The following TNR variants were observed in gnomAD, a reference collection of about 807,000 sequenced individuals.
TNR encodes tenascin-R.
A neutral mutation model predicts 150.4 loss-of-function variants in TNR; 45 were observed. The ratio of observed to expected loss-of-function variants is 0.30; its 90% CI spans 0.24 to 0.38. TNR has a LOEUF of 0.38. Among genes scored for constraint, TNR ranks in the 10% least tolerant of loss-of-function variants. The probability of loss-of-function intolerance (pLI) is 1.00; values close to 1 mark genes in which losing one functional copy is unlikely to be tolerated. For synonymous variants in TNR, 687 were observed against 678.4 expected (o/e 1.01, Z -0.20); for missense variants, 1,544 against 1,759.1 (o/e 0.88, Z 2.19).
intron 2 of TNR, among the ~76,000 whole-genome samples, chr1:175,441,173 A>G (rs1212269744): frequency 1.3e-5 from 2 of 152,190 alleles, no homozygotes; most frequent in African/African-American, 4.8e-5. Flanking sequence ...TGGCATTAAC[A>G]CAGGTTGGTA....
At chr1:175,630,865 C>A (rs942989389) in intron 1 of TNR, among the ~76,000 whole-genome samples, 12 of 152,266 alleles carry the variant, frequency 7.9e-5, no homozygotes, top group African/African-American at 2.6e-4. Context: ...GAATTCGCAC[C>A]AAACAAGGGG....
chr1:175,484,041 T>C (rs1475846569), intron 2 of TNR, among the ~76,000 whole-genome samples: 1 of 152,222 alleles, frequency 6.6e-6, no homozygotes, highest in East Asian at 1.9e-4. Context: ...AGAACGTTGT[T>C]TGCCTTATTC....
At chr1:175,624,631 TG>T (rs1664086923) in intron 1 of TNR, among the ~76,000 whole-genome samples, 1 of 152,152 alleles carries the variant, frequency 6.6e-6, no homozygotes, top group South Asian at 2.1e-4. Flanking sequence ...AAAGAAATCT[TG>T]GCCCTGCTGA....
At chr1:175,614,237 G>C (rs1048669727) in intron 1 of TNR, among the ~76,000 whole-genome samples, 2 of 152,180 alleles carry the variant, frequency 1.3e-5, no homozygotes, top group African/African-American at 4.8e-5. Context: ...GAGAGGTGTG[G>C]GGAAAAGATT....
chr1:175,383,810 C>A (rs1356758296), intron 8 of TNR, among the ~76,000 whole-genome samples: 1 of 152,202 alleles, frequency 6.6e-6, no homozygotes, highest in Non-Finnish European at 1.5e-5. Flanking sequence ...GAGAATCTGT[C>A]TGCAGTGCTG....
intron 3 of TNR, among the ~76,000 whole-genome samples, chr1:175,404,956 G>C (rs1468179675): frequency 6.6e-6 from 1 of 152,234 alleles, no homozygotes; most frequent in Non-Finnish European, 1.5e-5. Context: ...CTCAGTGACT[G>C]CCTCTAGACT....
intron 18 of TNR, among the ~76,000 whole-genome samples, chr1:175,341,288 G>A (rs1201304264): frequency 1.3e-5 from 2 of 152,146 alleles, no homozygotes; most frequent in African/African-American, 2.4e-5. Flanking sequence ...AAAACTGGAA[G>A]GTTTTTCTTC....
chr1:175,615,341 C>T (rs1663736027), intron 1 of TNR, among the ~76,000 whole-genome samples: 1 of 152,200 alleles, frequency 6.6e-6, no homozygotes, highest in African/African-American at 2.4e-5. Context: ...GGACTTCAGT[C>T]TGGGCAGGTG....
chr1:175,721,423 A>G (rs1667295463), intron 1 of TNR, among the ~76,000 whole-genome samples: 1 of 152,104 alleles, frequency 6.6e-6, no homozygotes, highest in South Asian at 2.1e-4. Flanking sequence ...GAGTTGTGCT[A>G]TGCTCTTAGT....
At chr1:175,369,336 G>A (rs920747426) in intron 9 of TNR, among the ~76,000 whole-genome samples, 2 of 152,144 alleles carry the variant, frequency 1.3e-5, no homozygotes, top group Non-Finnish European at 2.9e-5. Context: ...TGCTTCCTCT[G>A]AAGGCTCTAG....
At chr1:175,580,455 C>T (rs564667523) in intron 1 of TNR, among the ~76,000 whole-genome samples, 26 of 152,318 alleles carry the variant, frequency 1.7e-4, no homozygotes, top group African/African-American at 6.0e-4. Flanking sequence ...AATGCCTTTG[C>T]TGATTCTCCC....
Position 175,359,139 on chromosome 1 carries a change from C to CTTTTTTTTTTTTTTTTTTTTTT in TNR, c.2974+451_2974+472dup, listed in dbSNP as rs758610631. Among the ~76,000 whole-genome samples the CTTTTTTTTTTTTTTTTTTTTTT allele has an allele frequency of 5.5e-4, 23 of 42,148 alleles. 7 individuals carry two copies. Among genetic ancestry groups the CTTTTTTTTTTTTTTTTTTTTTT allele is most frequent in the Non-Finnish European group, 7.8e-4 (18 of 23,138 alleles). The allele number at this position is 42,148 out of a possible 152,430, so 27.7% of individuals were successfully genotyped here. A position where few individuals can be genotyped will look rare whatever the true frequency, so the allele number is the denominator to read the frequency against. ...AGTTTGCAGAGTTTGGGGATATCTT[C>CTTTTTTTTTTTTTTTTTTTTTT]TTTTTTTTTTTTTTTTTTTTTTTTT... is the stretch of plus-strand genomic sequence containing the variant. On this transcript the variant is annotated intron_variant, in intron 15 of 22. Coordinates refer to ENST00000367674, the MANE Select transcript of TNR (RefSeq NM_003285.3).
intron 1 of TNR, among the ~76,000 whole-genome samples, chr1:175,729,439 C>G (rs922096748): frequency 6.6e-6 from 1 of 151,030 alleles, no homozygotes; most frequent in African/African-American, 2.4e-5. Context: ...CTCTCTCTGT[C>G]CCCCTTTCAA....
Position 175,417,075 on chromosome 1 carries a change from G to GAAAGAAAGAAAGAAAGAAAGAAAT in TNR, c.-63-10299_-63-10298insATTTCTTTCTTTCTTTCTTTCTTT, listed in dbSNP as rs754333098. ...AGAAAGAAAGAAAGAAAGAAAGAAA[G>GAAAGAAAGAAAGAAAGAAAGAAAT]AAATCTAAGAAGTGGTCTCTTCCCT... is the stretch of plus-strand genomic sequence containing the variant. On this transcript the variant is annotated intron_variant, in intron 2 of 22. Coordinates refer to ENST00000367674, the MANE Select transcript of TNR (RefSeq NM_003285.3). Among the ~76,000 whole-genome samples the GAAAGAAAGAAAGAAAGAAAGAAAT allele has an allele frequency of 2.2e-3, 299 of 138,072 alleles. 6 individuals are homozygous for GAAAGAAAGAAAGAAAGAAAGAAAT. Among genetic ancestry groups the GAAAGAAAGAAAGAAAGAAAGAAAT allele is most frequent in the South Asian group, 8.6e-3 (36 of 4,164 alleles). 90.6% of individuals were successfully genotyped at this position (138,072 alleles called of 152,430 possible). A position where few individuals can be genotyped will look rare whatever the true frequency, so the allele number is the denominator to read the frequency against.
rs1220231373 is a variant in TNR at position 175,528,999 on chromosome 1, A to G, written c.-164-630T>C. ...AACAAAGTAATTCTCCCAGATTAGA[A>G]CAACCTCCAACAGAAGCAGTGGCAT... On this transcript the variant is annotated intron_variant, in intron 1 of 22. Coordinates refer to ENST00000367674, the MANE Select transcript of TNR (RefSeq NM_003285.3). 2.0e-5 allele frequency among the ~76,000 whole-genome samples: 3 copies of G among 152,360 alleles called. No individual in the cohort carries two copies. In the East Asian group the frequency reaches 5.8e-4, roughly 29 times the overall value.
chr1:175,635,998 T>C (rs1664480348), intron 1 of TNR, among the ~76,000 whole-genome samples: 1 of 152,196 alleles, frequency 6.6e-6, no homozygotes, highest in Admixed American at 6.5e-5. Context: ...TAGGCTAGTC[T>C]CAGGCCATAC....
At chr1:175,342,963 C>T (rs2101996334) in intron 18 of TNR, among the ~76,000 whole-genome samples, 1 of 152,322 alleles carries the variant, frequency 6.6e-6, no homozygotes, top group East Asian at 1.9e-4. Context: ...CAGTTGCAGC[C>T]TGGCCCCTGT....
chr1:175,454,841 T>A (rs753871146), intron 2 of TNR, among the ~76,000 whole-genome samples: 7 of 152,206 alleles, frequency 4.6e-5, no homozygotes, highest in Non-Finnish European at 5.9e-5. Flanking sequence ...GGTTTCTTCA[T>A]CTGCACGGTG....
At chr1:175,392,850 A>C (rs1256330672) in intron 6 of TNR, among the ~76,000 whole-genome samples, 2 of 152,214 alleles carry the variant, frequency 1.3e-5, no homozygotes, top group Admixed American at 6.5e-5. Flanking sequence ...AACTAGATGT[A>C]AAATGAGGGG....
Sources: allele counts gnomAD v4.1 joint callset (sites outside exome capture counted in the v4.1 genomes callset), GRCh38; gene constraint gnomAD v4.1.1; transcripts MANE v1.5; gene names NCBI Gene and HGNC (gene_info 2026-07-23, HGNC 2026-07-21).